ARAP1: variants seen among roughly 807,000 people sequenced by gnomAD.
The protein encoded by ARAP1 is ArfGAP with RhoGAP domain, ankyrin repeat and PH domain 1, also known as arf-GAP with Rho-GAP domain, ANK repeat and PH domain-containing protein 1.
In ARAP1, 76 loss-of-function variants were observed where a neutral mutation model predicts 172.2. The ratio of observed to expected loss-of-function variants is 0.44; its 90% CI spans 0.37 to 0.53. The LOEUF is 0.53. ARAP1 is among the 20% of genes least tolerant of loss of function. The pLI is 0.00. For missense variants in ARAP1, 1,686 were observed against 1,977.5 expected (o/e 0.85, Z 2.80); for synonymous variants, 804 against 803.3 (o/e 1.00, Z -0.01).
At chr11:72,707,418 G>T in intron 11 of ARAP1, 44 bp from the exon 12 acceptor site, 3 of 1,549,792 alleles carry the variant, frequency 1.9e-6, no homozygotes, top group Non-Finnish European at 2.6e-6. Context: ...TGGACTCAGA[G>T]GGATTTGGGG....
intron 2 of ARAP1, among the ~76,000 whole-genome samples, chr11:72,731,047 T>C (rs1199932184): frequency 1.3e-5 from 2 of 151,672 alleles, no homozygotes; most frequent in Non-Finnish European, 2.9e-5. Context: ...GAGCATGGAG[T>C]AGTGTGCAGC....
intron 27 of ARAP1, 61 bp downstream of exon 27, chr11:72,694,919 G>A: frequency 6.8e-7 from 1 of 1,465,110 alleles, no homozygotes; most frequent in South Asian, 1.2e-5. Context: ...AGGACAGACT[G>A]GGGCTACAGC....
In ARAP1 at chr11:72,697,464, G is replaced by A. The variant is rs762372241; in HGVS notation, c.2812C>T (p.Arg938Trp). The A allele has an allele frequency of 6.2e-6, 10 of 1,613,306 alleles. No homozygotes were observed. Among genetic ancestry groups the A allele is most frequent in the East Asian group, 2.2e-5 (1 of 44,892 alleles). ...RRRTLYIQGERRLDFMGWLGA... is the reference protein window; with the variant it reads ...RRRTLYIQGEWRLDFMGWLGA... ...AGCCAACCCATGAAGTCCAGCCGCC[G>A]CTCGCCCTGTATGTACAGTGTCCTG... The change falls in exon 21 of 35, where the codon CGG becomes TGG. Residue 938 changes from arginine to tryptophan, a missense_variant. By Grantham distance (101) the Arg-to-Trp change is moderately radical. Coordinates refer to ENST00000393609, the MANE Select transcript of ARAP1 (RefSeq NM_001040118.3).
At chr11:72,713,025 AC>A (rs1173616152) in intron 5 of ARAP1, 150 bp downstream of exon 5, 3 of 814,070 alleles carry the variant, frequency 3.7e-6, no homozygotes, top group Non-Finnish European at 6.0e-6. Context: ...GTGACTCCTG[AC>A]CCCCGTATGG....
rs766521173 is a variant in ARAP1, at chr11:72,685,995, C to G, written c.4335+47G>C. 5 of 1,613,548 alleles carry G rather than the reference C, an allele frequency of 3.1e-6. No individual in the cohort carries two copies. The South Asian group carries it at 4.4e-5, about 14-fold the overall frequency. On this transcript the variant is annotated intron_variant, in intron 34 of 34. Coordinates refer to ENST00000393609, the MANE Select transcript of ARAP1 (RefSeq NM_001040118.3). ...TACTGTGGAGTAGAAGGCAGGCACC[C>G]AGCCAGGCCCCCAGCCCCCTGCCCA...
intron 11 of ARAP1, 119 bp from the exon 12 acceptor site, chr11:72,707,493 GA>G: frequency 1.4e-5 from 12 of 877,300 alleles, no homozygotes; most frequent in Non-Finnish European, 2.0e-5. Flanking sequence ...GCAAAAGAGT[GA>G]GGCATCCCAC....
In ARAP1 at chr11:72,709,968, G is replaced by T. The variant is rs528737757; in HGVS notation, c.1425C>A (p.His475Gln). The T allele has an allele frequency of 1.2e-5, 20 of 1,614,034 alleles. 1 individual carries two copies. In the South Asian group the frequency reaches 2.2e-4, roughly 18 times the overall value. Reference sequence around the variant, plus strand: ...CGATGAAGGTGATGCCAATGCCCAGGTGGTACTCCTGGAGGGCAGATGGGA... The same window carrying T: ...CGATGAAGGTGATGCCAATGCCCAGTTGGTACTCCTGGAGGGCAGATGGGA... Reference protein sequence around the residue: ...VQLYKNLEEYHLGIGITFIDM... With the variant: ...VQLYKNLEEYQLGIGITFIDM... The change falls in exon 11 of 35, where the codon CAC (histidine) becomes CAA (glutamine). Residue 475 changes from histidine (H) to glutamine (Q), a missense_variant. Coordinates refer to ENST00000393609, the MANE Select transcript of ARAP1 (RefSeq NM_001040118.3).
Position 72,704,208 on chromosome 11 carries a change from C to T in ARAP1, c.1936G>A (p.Glu646Lys). Residue 646 changes from glutamate (E) to lysine (K), a missense_variant, in exon 14 of 35, where the codon GAG becomes AAG. Physicochemically the swap from Glu to Lys is moderately conservative, Grantham distance 56 (BLOSUM62 1). Transcript: ENST00000393609. ...RRCHLEAKYR[E>K]GKYRRYHPLF... ...GGGTGGTAGCGGCGGTACTTGCCCTCACGGTACTTGGCCTCCAGGTGGCAC... is the reference window on the plus strand; with the variant it reads ...GGGTGGTAGCGGCGGTACTTGCCCTTACGGTACTTGGCCTCCAGGTGGCAC... The T allele has an allele frequency of 5.0e-6, 8 of 1,613,992 alleles. No individual in the cohort carries two copies. The highest frequency in any genetic ancestry group is 5.9e-6 in the Non-Finnish European group (7 of 1,179,984).
rs1387566991 is a variant in ARAP1 at position 72,712,214 on chromosome 11, T to C, written c.1004A>G (p.Asp335Gly). The change falls in exon 7 of 35, where the codon GAC becomes GGC. Residue 335 changes from aspartate (D) to glycine (G), a missense_variant. By Grantham distance (94) the Asp-to-Gly change is moderately conservative. Around this residue, in one of 5 missense-constraint regions of ARAP1, gnomAD observed 688 missense variants for 856.9 expected, o/e 0.80. Transcript: ENST00000393609. ...CACTCACCCCTGCGGTGGGTTCTTG[T>C]CCAGCCAGCCAGCCTTGATGACTGG... ...VTPVIKAGWL[D>G]KNPPQGSYIY... 1 of 1,606,094 alleles carries C rather than the reference T, an allele frequency of 6.2e-7. No homozygotes were observed. The highest frequency in any genetic ancestry group is 1.7e-5 in the Admixed American group (1 of 59,494).
intron 6 of ARAP1, 34 bp from the exon 7 acceptor site, chr11:72,712,373 G>A (rs1056737912): frequency 4.5e-6 from 7 of 1,541,270 alleles, no homozygotes; most frequent in African/African-American, 1.4e-5. Flanking sequence ...GGGCCGGGCT[G>A]AGGAGGCAAG....
intron 15 of ARAP1, among the ~76,000 whole-genome samples, chr11:72,702,205 T>TG (rs1432322557): frequency 1.1e-4 from 17 of 152,192 alleles, no homozygotes; most frequent in East Asian, 7.7e-4. Context: ...GTCAGCGCCG[T>TG]GGGGGGGCGG....
chr11:72,733,929 G>A (rs1325851559), intron 1 of ARAP1, among the ~76,000 whole-genome samples: 1 of 152,174 alleles, frequency 6.6e-6, no homozygotes, highest in African/African-American at 2.4e-5. Flanking sequence ...GTTCAAGCAC[G>A]ATTCTCTTGT....
intron 3 of ARAP1, chr11:72,722,001 G>T (rs1156408317): frequency 2.0e-6 from 2 of 985,978 alleles, no homozygotes; most frequent in Non-Finnish European, 2.4e-6. Flanking sequence ...GCCCCTGGGT[G>T]GGTCTGAGGC....
In ARAP1 at chr11:72,693,271, A is replaced by T; in HGVS notation, c.3954+54T>A. 2 of 1,586,002 alleles carry T rather than the reference A, an allele frequency of 1.3e-6. No homozygotes were observed. Among genetic ancestry groups the T allele is most frequent in the Admixed American group, 3.5e-5 (2 of 56,560 alleles). ...TGCAGACCAAGGGGAATCTCTGAGC[A>T]CATTCAGGTGTACAGGTGCCCACCC... On this transcript the variant is annotated intron_variant, in intron 29 of 34. Coordinates refer to ENST00000393609, the MANE Select transcript of ARAP1 (RefSeq NM_001040118.3). The surrounding 1 kb of genome is among the most constrained non-coding windows in gnomAD (Gnocchi z 4.6).
chr11:72,739,896 T>A (rs67809272), intron 1 of ARAP1, among the ~76,000 whole-genome samples: 20,654 of 152,102 alleles, frequency 0.14, 1,790 homozygotes, highest in African/African-American at 0.24. Flanking sequence ...CATGTCCCCC[T>A]GCAGAGCTCC....
At chr11:72,720,299 C>T (rs1284515560) in intron 3 of ARAP1, among the ~76,000 whole-genome samples, 1 of 152,172 alleles carries the variant, frequency 6.6e-6, no homozygotes, top group Non-Finnish European at 1.5e-5. Context: ...AGTCCTATGC[C>T]TCCTGCTTCC....
intron 1 of ARAP1, among the ~76,000 whole-genome samples, chr11:72,733,869 G>T (rs952235987): frequency 6.6e-6 from 1 of 152,144 alleles, no homozygotes; most frequent in Admixed American, 6.5e-5. Context: ...CGTTGCCCCA[G>T]CTGGAGTGCA....
Position 72,687,459 on chromosome 11 carries a change from C to A in ARAP1, c.4165G>T (p.Ala1389Ser). ...GGTACCTGCACAAACAGAAAGGTAG[C>A]GAACCACTCCCGGAGCTCCATCTGT... ...DTQMELREWF[A>S]TFLFVQHDGL... Residue 1389 changes from alanine to serine, a missense_variant, in exon 33 of 35, where the codon GCT becomes TCT. This residue lies in a region of ARAP1 where 379 missense variants were observed against 500.1 expected (regional missense o/e 0.76). Transcript: ENST00000393609. 1 of 1,614,162 alleles carries A rather than the reference C, an allele frequency of 6.2e-7. No individual in the cohort carries two copies. Among genetic ancestry groups the A allele is most frequent in the African/African-American group, 1.3e-5 (1 of 75,030 alleles).
At chr11:72,743,437 C>T (rs73543236) in intron 1 of ARAP1, among the ~76,000 whole-genome samples, 3,669 of 151,916 alleles carry the variant, frequency 0.024, 145 homozygotes, top group African/African-American at 0.084. Flanking sequence ...GCTGGACACA[C>T]ACACGGAGGC....
Sources: gnomAD v4.1 joint callset for allele counts (sites outside exome capture counted in the v4.1 genomes callset) on GRCh38, gnomAD v4.1.1 for gene constraint, gnomAD v4.1.1 regional missense constraint, Gnocchi (gnomAD v3.1) non-coding constraint, MANE v1.5 for transcripts, NCBI Gene and HGNC (gene_info 2026-07-23, HGNC 2026-07-21) for gene names.